The following PBX1 variants were observed in gnomAD, a reference collection of about 807,000 sequenced individuals.
PBX1 encodes pre-B-cell leukemia transcription factor 1.
Under a neutral mutation model 53.4 loss-of-function variants are expected in PBX1, and 6 were observed. That is an observed-to-expected ratio of 0.11 (90% CI 0.06 to 0.22). The LOEUF is 0.22. Ranked by LOEUF, PBX1 falls within the 10% of genes least tolerant of loss-of-function variation. PBX1 has a pLI of 1.00. For synonymous variants in PBX1, 204 were observed against 212.3 expected, an observed-to-expected ratio of 0.96 and a Z score of 0.34; for missense variants, 251 against 551.4, an observed-to-expected ratio of 0.46 and a Z score of 5.46.
chr1:164,836,999 G>T (rs1014912485), intron 8 of PBX1, among the ~76,000 whole-genome samples: 2 of 152,172 alleles, frequency 1.3e-5, no homozygotes, highest in African/African-American at 2.4e-5. Context: ...TTGGCTCAGT[G>T]TCTCTCTTTA....
At chr1:164,623,771 G>A (rs1224952716) in intron 2 of PBX1, among the ~76,000 whole-genome samples, 2 of 152,158 alleles carry the variant, frequency 1.3e-5, no homozygotes, top group African/African-American at 4.8e-5. Context: ...TAACAAACTC[G>A]AGTCGTGCCT....
At chr1:164,638,781 C>G (rs150222623) in intron 2 of PBX1, among the ~76,000 whole-genome samples, 4 of 152,326 alleles carry the variant, frequency 2.6e-5, no homozygotes, top group Non-Finnish European at 5.9e-5. Flanking sequence ...ACTACAGATT[C>G]TAAAAGGGGC....
intron 2 of PBX1, among the ~76,000 whole-genome samples, chr1:164,692,178 G>A (rs900993035): frequency 4.6e-5 from 7 of 152,228 alleles, no homozygotes; most frequent in African/African-American, 1.7e-4. Context: ...CAAAGTGTAC[G>A]TAGACAGCTG....
chr1:164,629,324 G>C (rs1658258247), intron 2 of PBX1, among the ~76,000 whole-genome samples: 1 of 152,182 alleles, frequency 6.6e-6, no homozygotes, highest in Admixed American at 6.5e-5. Context: ...GATGGAAAGA[G>C]TGAGGGCAGC....
intron 2 of PBX1, chr1:164,700,821 GC>G: frequency 2.7e-6 from 2 of 740,530 alleles, no homozygotes; most frequent in Non-Finnish European, 3.3e-6. Flanking sequence ...GTGGTGGCCA[GC>G]CCTGTATATT....
At chr1:164,861,224 G>A (rs898843391) in intron 2 of PBX1, among the ~76,000 whole-genome samples, 2 of 152,066 alleles carry the variant, frequency 1.3e-5, no homozygotes, top group Non-Finnish European at 2.9e-5. Flanking sequence ...CAAAAAAGGG[G>A]CACTGATAGA....
chr1:164,799,887 G>C lies in PBX1; in HGVS notation c.699G>C (p.Ala233=). The change falls in exon 4 of 9, where the codon GCG becomes GCC. Residue 233 remains alanine (A), a splice_region_variant and synonymous_variant. Transcript: ENST00000420696. The part of the protein sequence containing the change: ...VMILRSRFLD[A]RRKRRNFNKQ... ...TCCTGCGTTCCCGATTTCTGGATGC[G>C]CGGTGAGTCTCCCATGGGGCTGTCC... 1.2e-6 allele frequency: 2 copies of C among 1,610,160 alleles called. No homozygotes were observed. The highest frequency in any genetic ancestry group is 2.2e-5 in the South Asian group (2 of 90,768).
rs995385778 is a variant in PBX1 at position 164,846,975 on chromosome 1, G to A, written c.*299G>A. The A allele has an allele frequency of 1.2e-5, 15 of 1,226,352 alleles. No individual in the cohort carries two copies. Among genetic ancestry groups the A allele is most frequent in the Non-Finnish European group, 6.1e-6 (6 of 977,322 alleles). 76.0% of individuals were successfully genotyped at this position (1,226,352 alleles called of 1,614,324 possible). A position where few individuals can be genotyped will look rare whatever the true frequency, so the allele number is the denominator to read the frequency against. On this transcript the variant is annotated 3_prime_UTR_variant, in exon 9 of 9. Transcript: ENST00000420696. Reference sequence around the variant, plus strand: ...TCTGTCCTAGACTCCCGGGGTCCCCGCCCTCTCTCATATCACTGAAGGATA... The same window carrying A: ...TCTGTCCTAGACTCCCGGGGTCCCCACCCTCTCTCATATCACTGAAGGATA...
chr1:164,814,065 A>G (rs2102349909), intron 6 of PBX1: 1 of 152,384 alleles, frequency 6.6e-6, no homozygotes, highest in South Asian at 2.1e-4. Context: ...TAGAGGCAAA[A>G]GAAAATACTA....
rs543459465 is a variant in PBX1 at position 164,638,550 on chromosome 1, C to G, written c.265+75239C>G. On this transcript the variant is annotated intron_variant, in intron 2 of 8. Transcript: ENST00000420696. ...TTACTCTGCATGTGTGAATATAAAG[C>G]CACCAGTTTTCTGATAAAGACACAC... is the stretch of plus-strand genomic sequence containing the variant. Among the ~76,000 whole-genome samples the G allele has an allele frequency of 2.0e-4, 30 of 152,298 alleles. 1 individual carries two copies. The South Asian group carries it at 5.4e-3, about 27-fold the overall frequency.
chr1:164,786,755 T>C (rs1009791724), intron 2 of PBX1, among the ~76,000 whole-genome samples: 1 of 149,414 alleles, frequency 6.7e-6, no homozygotes, highest in East Asian at 2.1e-4. Flanking sequence ...AGAATAGATA[T>C]CACATCCATG....
In PBX1 at chr1:164,846,746, TCC is replaced by T; in HGVS notation, c.*72_*73del. 1 of 1,612,426 alleles carries T rather than the reference TCC, an allele frequency of 6.2e-7. No homozygotes were observed. The highest frequency in any genetic ancestry group is 2.2e-5 in the East Asian group (1 of 44,786). On this transcript the variant is annotated 3_prime_UTR_variant, in exon 9 of 9. Coordinates refer to ENST00000420696, the MANE Select transcript of PBX1 (RefSeq NM_002585.4). ...GCAGGGGCAGGAGGGAGGGTTTCTC[TCC>T]CAACGCTGAAGCGGTCAGACTGGAG...
In PBX1 at chr1:164,793,240, T is replaced by G. The variant is rs949497218; in HGVS notation, c.510+502T>G. ...AAAACTTGGCCCTAGAGTCCCTCACTTTACCCAGACTCAGTTCAATTGAGA... is the reference window on the plus strand; with the variant it reads ...AAAACTTGGCCCTAGAGTCCCTCACGTTACCCAGACTCAGTTCAATTGAGA... On this transcript the variant is annotated intron_variant, in intron 3 of 8. Transcript: ENST00000420696. 2.0e-5 allele frequency among the ~76,000 whole-genome samples: 3 copies of G among 152,174 alleles called. No individual in the cohort carries two copies. In the East Asian group the frequency reaches 5.8e-4, roughly 29 times the overall value.
intron 2 of PBX1, among the ~76,000 whole-genome samples, chr1:164,699,887 G>A (rs932003801): frequency 1.3e-5 from 2 of 152,160 alleles, no homozygotes; most frequent in Non-Finnish European, 2.9e-5. Context: ...CTGGAAGCCC[G>A]GAGTTGACAG....
intron 2 of PBX1, among the ~76,000 whole-genome samples, chr1:164,581,628 G>A (rs941577394): frequency 2.6e-5 from 4 of 152,188 alleles, no homozygotes; most frequent in Admixed American, 6.5e-5. Context: ...GGACCAGGGT[G>A]AAGGTGAAGC....
downstream of PBX1, among the ~76,000 whole-genome samples, chr1:164,852,298 C>A (rs1671872100): frequency 1.3e-5 from 2 of 152,308 alleles, no homozygotes; most frequent in African/African-American, 4.8e-5. Context: ...GTTGTAGGCT[C>A]TCAGGAGTGT....
chr1:164,700,651 G>A, intron 2 of PBX1: 1 of 985,376 alleles, frequency 1.0e-6, no homozygotes, highest in Non-Finnish European at 1.2e-6. Context: ...AGGTGATCGT[G>A]TCAGGTGGAG....
chr1:164,572,563 G>A (rs1233838337), intron 2 of PBX1, among the ~76,000 whole-genome samples: 1 of 151,996 alleles, frequency 6.6e-6, no homozygotes, highest in Admixed American at 6.6e-5. Flanking sequence ...GAAAAAGATT[G>A]GAGAATTTTC....
Position 164,670,548 on chromosome 1 carries a change from A to G in PBX1, c.265+107237A>G, listed in dbSNP as rs376219768. Among the ~76,000 whole-genome samples, 10 of 152,166 alleles carry G rather than the reference A, an allele frequency of 6.6e-5. No homozygotes were observed. In the East Asian group the frequency reaches 7.7e-4, roughly 12 times the overall value. On this transcript the variant is annotated intron_variant, in intron 2 of 8. Transcript: ENST00000420696. ...TCCTTGCAGACATTCTGACATCTCA[A>G]TAGCCAGCTGACTGAAGGCCTGTGG... is the stretch of plus-strand genomic sequence containing the variant.
Sources: allele counts gnomAD v4.1 joint callset (sites outside exome capture counted in the v4.1 genomes callset), GRCh38; gene constraint gnomAD v4.1.1; transcripts MANE v1.5; gene names NCBI Gene and HGNC (gene_info 2026-07-23, HGNC 2026-07-21).